Variants in PPP6C observed in about 807,000 individuals in gnomAD.
PPP6C encodes the protein serine/threonine-protein phosphatase 6 catalytic subunit.
A neutral mutation model predicts 39.8 loss-of-function variants in PPP6C; 11 were observed. The ratio of observed to expected loss-of-function variants is 0.28; its 90% CI spans 0.17 to 0.46. The LOEUF is 0.46. PPP6C is among the 20% of genes least tolerant of loss of function. The pLI, the probability that PPP6C is intolerant of heterozygous loss-of-function variation, is 1.00. For synonymous variants in PPP6C, 129 were observed against 130.3 expected, an observed-to-expected ratio of 0.99 and a Z score of 0.07; for missense variants, 211 against 373.9, an observed-to-expected ratio of 0.56 and a Z score of 3.59.
chr9:125,188,598 C>T (rs960300678), intron 1 of PPP6C, among the ~76,000 whole-genome samples: 47 of 151,554 alleles, frequency 3.1e-4, no homozygotes, highest in Non-Finnish European at 5.6e-4. Context: ...CCAGCCTGGC[C>T]AACATGGCGA....
At chr9:125,170,925 T>C (rs544964441) in intron 2 of PPP6C, among the ~76,000 whole-genome samples, 160 bp downstream of exon 2, 21 of 152,234 alleles carry the variant, frequency 1.4e-4, no homozygotes, top group Non-Finnish European at 2.9e-4. Context: ...TCACCAAAAA[T>C]GTAAACCAGG....
In PPP6C at chr9:125,164,216, C is replaced by CTTTTT. The variant is rs1307179998; in HGVS notation, c.172-3311_172-3310insAAAAA. ...ATCTACTCTATGTCTCTCCCTCACT[C>CTTTTT]TCTTTTTTTTTTTTTTTTTTTTTTT... is the stretch of plus-strand genomic sequence containing the variant. On this transcript the variant is annotated intron_variant, in intron 2 of 6. Coordinates refer to ENST00000373547, the MANE Select transcript of PPP6C (RefSeq NM_002721.5). 9.2e-5 allele frequency among the ~76,000 whole-genome samples: 11 copies of CTTTTT among 119,794 alleles called. 1 individual carries two copies. Among genetic ancestry groups the CTTTTT allele is most frequent in the South Asian group, 3.1e-4 (1 of 3,274 alleles). 78.6% of individuals were successfully genotyped at this position (119,794 alleles called of 152,430 possible). A position where few individuals can be genotyped will look rare whatever the true frequency, so the allele number is the denominator to read the frequency against.
intron 1 of PPP6C, among the ~76,000 whole-genome samples, chr9:125,171,490 T>C (rs1261698233): frequency 2.3e-4 from 20 of 87,728 alleles, no homozygotes; most frequent in Admixed American, 5.1e-4. Flanking sequence ...TATATATATA[T>C]ATATATATAT....
rs1017933766 is a variant in PPP6C, at chr9:125,177,008, G to GT, written c.76-5829dup. Among the ~76,000 whole-genome samples the GT allele has an allele frequency of 1.1e-4, 16 of 152,166 alleles. No individual in the cohort carries two copies. The East Asian group carries it at 1.7e-3, about 17-fold the overall frequency. ...CAGGGAAAGTAGATTTTTTTATTGTGTTTTTTTACCCCTGTAAATAGACTA... is the reference window on the plus strand; with the variant it reads ...CAGGGAAAGTAGATTTTTTTATTGTGTTTTTTTTACCCCTGTAAATAGACTA... On this transcript the variant is annotated intron_variant, in intron 1 of 6. Coordinates refer to ENST00000373547, the MANE Select transcript of PPP6C (RefSeq NM_002721.5).
At chr9:125,156,628 G>C (rs1303254793) in intron 4 of PPP6C, among the ~76,000 whole-genome samples, 1 of 151,730 alleles carries the variant, frequency 6.6e-6, no homozygotes, top group African/African-American at 2.4e-5. Context: ...AAATCTAAAG[G>C]GTTCTGCAAT....
intron 6 of PPP6C, chr9:125,151,159 G>C: frequency 4.1e-6 from 6 of 1,449,996 alleles, no homozygotes; most frequent in Middle Eastern, 1.7e-4. Flanking sequence ...ATCTGATGCT[G>C]GTGGAGCTAA....
chr9:125,189,359 C>A (rs1370426730), intron 1 of PPP6C, among the ~76,000 whole-genome samples: 2 of 152,266 alleles, frequency 1.3e-5, no homozygotes, highest in South Asian at 4.1e-4. Flanking sequence ...CTAAATAAAG[C>A]TGTTACAGCT....
At chr9:125,150,009 A>C (rs1311677594) in intron 6 of PPP6C, 88 bp from the exon 7 acceptor site, 2 of 1,446,550 alleles carry the variant, frequency 1.4e-6, no homozygotes, top group African/African-American at 2.9e-5. Context: ...AAATCCTATT[A>C]CTACTAAAGG....
In PPP6C at chr9:125,146,659, C is replaced by A. The variant is rs999139201; in HGVS notation, c.*3014G>T. The A allele has an allele frequency of 3.3e-5, 5 of 152,184 alleles. No individual in the cohort carries two copies. Among genetic ancestry groups the A allele is most frequent in the Non-Finnish European group, 7.3e-5 (5 of 68,040 alleles). 9.4% of individuals were successfully genotyped at this position (152,184 alleles called of 1,614,324 possible). Reference sequence around the variant, plus strand: ...ACAGACTATGCATTGAATTTTTTGACAAACTTCCTGTAATCTTTTTATTAA... The same window carrying A: ...ACAGACTATGCATTGAATTTTTTGAAAAACTTCCTGTAATCTTTTTATTAA... On this transcript the variant is annotated 3_prime_UTR_variant, in exon 7 of 7. Transcript: ENST00000373547.
intron 1 of PPP6C, among the ~76,000 whole-genome samples, chr9:125,178,162 A>C (rs1358882533): frequency 3.3e-5 from 5 of 152,212 alleles, no homozygotes; most frequent in Non-Finnish European, 5.9e-5. Context: ...CATTTGGGTA[A>C]ATATCAAGGA....
At chr9:125,177,814 C>T (rs1829335486) in intron 1 of PPP6C, among the ~76,000 whole-genome samples, 2 of 152,160 alleles carry the variant, frequency 1.3e-5, no homozygotes, top group Admixed American at 6.5e-5. Flanking sequence ...TTCAAATTCA[C>T]CTCCCTCCAA....
intron 1 of PPP6C, among the ~76,000 whole-genome samples, chr9:125,184,966 CAAAAA>C (rs34609209): frequency 1.4e-5 from 1 of 70,068 alleles, no homozygotes; most frequent in Non-Finnish European, 2.7e-5. Flanking sequence ...GATTCAGTCT[CAAAAA>C]AAAAAAAAAA....
chr9:125,167,844 G>A (rs1327785920), intron 2 of PPP6C, among the ~76,000 whole-genome samples: 4 of 60,762 alleles, frequency 6.6e-5, no homozygotes, highest in East Asian at 7.2e-4. Flanking sequence ...GGGGGGGGGG[G>A]GGGTATCATT....
chr9:125,160,915 GA>G lies in PPP6C; in HGVS notation c.172-10del. 2 of 1,558,260 alleles carry G rather than the reference GA, an allele frequency of 1.3e-6. No individual in the cohort carries two copies. Among genetic ancestry groups the G allele is most frequent in the Non-Finnish European group, 8.7e-7 (1 of 1,155,938 alleles). ...TCACAAAGGTCATAAAACTATAAAA[GA>G]AATGCAATACATGCTGATTACAAAT... On this transcript the variant is annotated splice_polypyrimidine_tract_variant and intron_variant, in intron 2 of 6. Transcript: ENST00000373547.
At chr9:125,185,687 C>T (rs1332663849) in intron 1 of PPP6C, among the ~76,000 whole-genome samples, 1 of 146,622 alleles carries the variant, frequency 6.8e-6, no homozygotes, top group East Asian at 2.1e-4. Flanking sequence ...GAGCAAGACT[C>T]CGTCTCAAAA....
At position 125,148,856 on chromosome 9, in the gene PPP6C, C is replaced by T. The variant is rs4838250; in HGVS notation, c.*817G>A. 9.2e-5 allele frequency: 14 copies of T among 151,722 alleles called. No individual in the cohort carries two copies. Among genetic ancestry groups the T allele is most frequent in the African/African-American group, 2.4e-4 (10 of 41,370 alleles). The allele number at this position is 151,722 out of a possible 1,614,324, so 9.4% of individuals were successfully genotyped here. A position where few individuals can be genotyped will look rare whatever the true frequency, so the allele number is the denominator to read the frequency against. Reference sequence around the variant, plus strand: ...TTAGGCACAGTTTAGTGATTTTTTTCAAAAATAAATACTATTGAATTTCAA... The same window carrying T: ...TTAGGCACAGTTTAGTGATTTTTTTTAAAAATAAATACTATTGAATTTCAA... On this transcript the variant is annotated 3_prime_UTR_variant, in exon 7 of 7. Coordinates refer to ENST00000373547, the MANE Select transcript of PPP6C (RefSeq NM_002721.5).
intron 1 of PPP6C, chr9:125,188,954 TAAG>T (rs1190902897): frequency 6.5e-7 from 1 of 1,546,958 alleles, no homozygotes; most frequent in African/African-American, 1.4e-5. Flanking sequence ...AATACTGAGT[TAAG>T]AAGGGGTTAA....
intron 1 of PPP6C, among the ~76,000 whole-genome samples, chr9:125,178,570 A>G (rs1829355785): frequency 6.6e-6 from 1 of 152,164 alleles, no homozygotes. Context: ...AATCTTAGTT[A>G]AGAAACCACT....
intron 1 of PPP6C, among the ~76,000 whole-genome samples, chr9:125,176,362 T>C (rs1216693225): frequency 1.3e-5 from 2 of 152,128 alleles, no homozygotes; most frequent in East Asian, 1.9e-4. Context: ...TCAGCTGTTT[T>C]GAAAACAAAC....
Sources: gnomAD v4.1 joint callset for allele counts (sites outside exome capture counted in the v4.1 genomes callset) on GRCh38, gnomAD v4.1.1 for gene constraint, MANE v1.5 for transcripts, NCBI Gene and HGNC (gene_info 2026-07-23, HGNC 2026-07-21) for gene names.